The following GRIP1 variants were observed in gnomAD, a reference collection of about 807,000 sequenced individuals.
GRIP1 encodes the protein glutamate receptor interacting protein 1, also known as glutamate receptor-interacting protein 1.
GRIP1 carries 45 observed loss-of-function variants against 129.9 expected under a neutral mutation model. That is an observed-to-expected ratio of 0.35 (90% CI 0.27 to 0.44). The LOEUF (loss-of-function observed/expected upper bound fraction) is 0.44, where lower values mean the gene tolerates loss of function less well. Ranked by LOEUF, GRIP1 falls within the 20% of genes least tolerant of loss-of-function variation. GRIP1 has a pLI of 1.00. For missense variants in GRIP1, 1,196 were observed against 1,396.8 expected (o/e 0.86, Z 2.29); for synonymous variants, 530 against 520.8 (o/e 1.02, Z -0.24).
intron 1 of GRIP1, among the ~76,000 whole-genome samples, chr12:66,771,290 C>T (rs538997983): frequency 6.4e-4 from 98 of 152,204 alleles, no homozygotes; most frequent in Non-Finnish European, 1.3e-3. Flanking sequence ...CTCATTATTA[C>T]ATTTTTCCAA....
At chr12:66,530,744 T>C (rs1036081825) in intron 4 of GRIP1, among the ~76,000 whole-genome samples, 1 of 152,000 alleles carries the variant, frequency 6.6e-6, no homozygotes, top group Admixed American at 6.6e-5. Context: ...AAAAAACCCA[T>C]AAAACTTCCA....
chr12:66,379,402 G>C lies in GRIP1; in HGVS notation c.2499C>G (p.Asn833Lys), dbSNP rs779736095. The change falls in exon 20 of 25, where the codon AAC becomes AAG. Residue 833 changes from asparagine (N) to lysine (K), a missense_variant. Asn to Lys is a moderately conservative substitution (Grantham distance 94). This residue lies in a region of GRIP1 where 427 missense variants were observed against 463.3 expected (regional missense o/e 0.92). Coordinates refer to ENST00000359742, the MANE Select transcript of GRIP1 (RefSeq NM_001366722.1). ...TSFQASGYNF[N>K]TYDWRSPKQR... ...GTTTTGGACTCCTCCAGTCATAGGT[G>C]TTGAAATTGTATCCTGAGGCCTGAA... 1.2e-6 allele frequency: 2 copies of C among 1,614,152 alleles called. No individual in the cohort carries two copies. Among genetic ancestry groups the C allele is most frequent in the Admixed American group, 3.3e-5 (2 of 60,034 alleles).
intron 13 of GRIP1, 148 bp downstream of exon 13, chr12:66,444,436 A>C: frequency 1.6e-6 from 1 of 639,718 alleles, no homozygotes. Context: ...CAGTGAGCCG[A>C]GATTGCGCCA....
intron 1 of GRIP1, among the ~76,000 whole-genome samples, chr12:66,722,421 G>T (rs1336012567): frequency 6.6e-6 from 1 of 152,126 alleles, no homozygotes; most frequent in Admixed American, 6.6e-5. Flanking sequence ...ACATTGATTA[G>T]GTTTGCTGTC....
chr12:66,926,067 T>G (rs1392840615), intron 1 of GRIP1, among the ~76,000 whole-genome samples: 1 of 152,238 alleles, frequency 6.6e-6, no homozygotes, highest in Non-Finnish European at 1.5e-5. Flanking sequence ...ATAGACATAC[T>G]AAGAGGTGAA....
intron 1 of GRIP1, chr12:66,892,067 T>C (rs992310708): frequency 1.3e-5 from 2 of 152,674 alleles, no homozygotes; most frequent in Admixed American, 1.3e-4. Context: ...TCAGGGGAAG[T>C]AGCACCCACA....
intron 1 of GRIP1, among the ~76,000 whole-genome samples, chr12:67,041,376 G>C (rs2043178002): frequency 6.6e-6 from 1 of 151,998 alleles, no homozygotes; most frequent in African/African-American, 2.4e-5. Context: ...ATGTGCGTGT[G>C]TATATACACA....
At chr12:66,535,182 T>G (rs1039258742) in intron 4 of GRIP1, among the ~76,000 whole-genome samples, 5 of 152,186 alleles carry the variant, frequency 3.3e-5, no homozygotes, top group African/African-American at 1.2e-4. Context: ...TATTAGCCTT[T>G]GCCTAAAAGC....
rs1246120848 is a variant in GRIP1, at chr12:66,362,815, C to T, written c.3012+8879G>A. On this transcript the variant is annotated intron_variant, in intron 23 of 24. Coordinates refer to ENST00000359742, the MANE Select transcript of GRIP1 (RefSeq NM_001366722.1). ...AGAAATAAGGCACACTAGACACTAGCGAGCCTGCCGCAGAGGCGTCTGAGT... is the reference window on the plus strand; with the variant it reads ...AGAAATAAGGCACACTAGACACTAGTGAGCCTGCCGCAGAGGCGTCTGAGT... Among the ~76,000 whole-genome samples the T allele has an allele frequency of 4.0e-5, 6 of 151,878 alleles. No individual in the cohort carries two copies. In the East Asian group the frequency reaches 9.7e-4, roughly 24 times the overall value.
rs752953394 is a variant in GRIP1 at position 66,571,406 on chromosome 12, G to A, written c.136+25441C>T. The stretch of plus-strand genomic sequence containing the variant: ...ATCTTTGTTAAGCTCAGTGATATAT[G>A]CACATATAAGAACATATTTTTCTCA... On this transcript the variant is annotated intron_variant, in intron 2 of 24. Transcript: ENST00000359742. 5.9e-5 allele frequency among the ~76,000 whole-genome samples: 9 copies of A among 152,054 alleles called. 1 individual carries two copies. Among genetic ancestry groups the A allele is most frequent in the Admixed American group, 1.3e-4 (2 of 15,268 alleles).
At position 66,828,715 on chromosome 12, in the gene GRIP1, G is replaced by T. The variant is rs546042397; in HGVS notation, c.59-231788C>A. On this transcript the variant is annotated intron_variant, in intron 1 of 1. Coordinates refer to the GRIP1 transcript ENST00000643019. ...CTTCAAAATTCAGCTCCAACTCCTT[G>T]GTCAGGCGAGGAGGCCTTCTGAGAG... Among the ~76,000 whole-genome samples, 146 of 152,202 alleles carry T rather than the reference G, an allele frequency of 9.6e-4. 2 individuals are homozygous for T. Among genetic ancestry groups the T allele is most frequent in the African/African-American group, 3.4e-3 (143 of 41,538 alleles).
intron 11 of GRIP1, among the ~76,000 whole-genome samples, chr12:66,451,102 G>A (rs17180987): frequency 0.013 from 2,027 of 152,180 alleles, 28 homozygotes; most frequent in South Asian, 0.03. Flanking sequence ...GGTGTATGCC[G>A]AGGTTGTGTT....
chr12:67,025,895 G>A (rs1302267686), intron 1 of GRIP1, among the ~76,000 whole-genome samples: 10 of 152,174 alleles, frequency 6.6e-5, no homozygotes, highest in Admixed American at 6.6e-4. Flanking sequence ...GCACTTTAAA[G>A]TGAATTCTCA....
intron 23 of GRIP1, among the ~76,000 whole-genome samples, chr12:66,361,846 G>A (rs1358995153): frequency 2.0e-5 from 3 of 152,138 alleles, no homozygotes; most frequent in African/African-American, 7.2e-5. Context: ...TCAGGACCAT[G>A]TGGGCCTCCT....
At chr12:66,747,315 G>A (rs74235709) in intron 1 of GRIP1, among the ~76,000 whole-genome samples, 9,563 of 152,180 alleles carry the variant, frequency 0.063, 410 homozygotes, top group Admixed American at 0.14. Context: ...TAAATAACTT[G>A]ACTAATAACC....
intron 1 of GRIP1, among the ~76,000 whole-genome samples, chr12:67,012,721 T>C (rs954593403): frequency 1.3e-5 from 2 of 152,192 alleles, no homozygotes; most frequent in Non-Finnish European, 2.9e-5. Flanking sequence ...ATTGTTTTCT[T>C]ATCACAGACT....
intron 1 of GRIP1, among the ~76,000 whole-genome samples, chr12:67,044,072 A>G (rs918226791): frequency 6.6e-6 from 1 of 152,164 alleles, no homozygotes; most frequent in Non-Finnish European, 1.5e-5. Flanking sequence ...GGTGCCTATT[A>G]ATTCTGAATA....
At chr12:66,791,858 G>A (rs1346005791) in intron 1 of GRIP1, among the ~76,000 whole-genome samples, 1 of 152,058 alleles carries the variant, frequency 6.6e-6, no homozygotes, top group African/African-American at 2.4e-5. Flanking sequence ...AGTCTCCAGT[G>A]TCCATTGTAC....
At position 66,558,915 on chromosome 12, in the gene GRIP1, T is replaced by G. The variant is rs886689473; in HGVS notation, c.137-16965A>C. ...AGCTAATATTCCCAATAAACCCTGT[T>G]GCAAAAATCCTCAACAAAATAGCAG... On this transcript the variant is annotated intron_variant, in intron 2 of 24. Coordinates refer to ENST00000359742, the MANE Select transcript of GRIP1 (RefSeq NM_001366722.1). Among the ~76,000 whole-genome samples the G allele has an allele frequency of 8.5e-5, 13 of 152,160 alleles. No individual in the cohort carries two copies. The South Asian group carries it at 1.7e-3, about 19-fold the overall frequency.
Sources: gnomAD v4.1 joint callset for allele counts (sites outside exome capture counted in the v4.1 genomes callset) on GRCh38, gnomAD v4.1.1 for gene constraint, gnomAD v4.1.1 regional missense constraint, MANE v1.5 for transcripts, NCBI Gene and HGNC (gene_info 2026-07-23, HGNC 2026-07-21) for gene names.